Variants in CAMK2B observed in about 807,000 individuals in gnomAD.
CAMK2B encodes calcium/calmodulin-dependent protein kinase type II subunit beta.
A neutral mutation model predicts 93.7 loss-of-function variants in CAMK2B; 27 were observed. The observed-to-expected ratio is 0.29, with a 90% CI of 0.21 to 0.40. CAMK2B has a LOEUF of 0.40. CAMK2B is among the 10% of genes least tolerant of loss of function. The pLI is 1.00. For missense variants in CAMK2B, 568 were observed against 895.8 expected (o/e 0.63, Z 4.67); for synonymous variants, 374 against 358.8 (o/e 1.04, Z -0.48).
chr7:44,261,954 G>A (rs1309132807), intron 3 of CAMK2B, among the ~76,000 whole-genome samples: 5 of 152,216 alleles, frequency 3.3e-5, no homozygotes. Flanking sequence ...GCCCCTGAGA[G>A]CCCACCTGGG....
In CAMK2B at chr7:44,225,256, T is replaced by C. The variant is rs1472397703; in HGVS notation, c.1597+1260A>G. ...GGGGTGACCTTCCAGGCAGGCTCCT[T>C]TGGGCACACCCCTCCACTTCTGCAA... On this transcript the variant is annotated intron_variant, in intron 20 of 23. Transcript: ENST00000395749. The surrounding 1 kb of genome is among the most constrained non-coding windows in gnomAD (Gnocchi z 5.0). Among the ~76,000 whole-genome samples, 3 of 152,122 alleles carry C rather than the reference T, an allele frequency of 2.0e-5. No homozygotes were observed. The highest frequency in any genetic ancestry group is 7.2e-5 in the African/African-American group (3 of 41,412).
intron 13 of CAMK2B, among the ~76,000 whole-genome samples, chr7:44,236,422 T>C (rs1337407732): frequency 2.0e-5 from 3 of 152,058 alleles, no homozygotes; most frequent in Admixed American, 6.5e-5. Flanking sequence ...CCAGGATCCA[T>C]GGAGAAGTAG....
intron 2 of CAMK2B, among the ~76,000 whole-genome samples, chr7:44,282,303 C>A (rs1047505125): frequency 2.0e-5 from 3 of 152,250 alleles, no homozygotes; most frequent in African/African-American, 7.2e-5. Flanking sequence ...CACCCCACCA[C>A]GGGCTGGGCC....
At chr7:44,234,261 C>T in intron 15 of CAMK2B, 129 bp downstream of exon 15, 3 of 752,758 alleles carry the variant, frequency 4.0e-6, no homozygotes, top group Non-Finnish European at 6.4e-6. Context: ...GGGCGGGGGC[C>T]ATGCGAGTGC....
At chr7:44,261,422 C>T (rs148257408) in intron 3 of CAMK2B, among the ~76,000 whole-genome samples, 1 of 152,360 alleles carries the variant, frequency 6.6e-6, no homozygotes, top group Admixed American at 6.5e-5. Context: ...TACCTCACTG[C>T]TCCCTGGGGG....
At chr7:44,280,262 C>T (rs1486187651) in intron 2 of CAMK2B, among the ~76,000 whole-genome samples, 2 of 152,204 alleles carry the variant, frequency 1.3e-5, no homozygotes, top group African/African-American at 4.8e-5. Flanking sequence ...CACTGTGCTG[C>T]CCTGCATGGG....
intron 5 of CAMK2B, 57 bp downstream of exon 5, chr7:44,254,485 G>T: frequency 8.0e-7 from 1 of 1,256,452 alleles, no homozygotes; most frequent in Non-Finnish European, 1.2e-6. Context: ...GGGTGAAGGA[G>T]GGATGGTGAG....
intron 2 of CAMK2B, among the ~76,000 whole-genome samples, chr7:44,272,904 C>T (rs1166229333): frequency 6.6e-6 from 1 of 152,236 alleles, no homozygotes. Context: ...GGAGGTGTGG[C>T]TTGGAATTCC....
At chr7:44,288,587 C>A (rs1378224906) in intron 1 of CAMK2B, among the ~76,000 whole-genome samples, 1 of 152,162 alleles carries the variant, frequency 6.6e-6, no homozygotes, top group Non-Finnish European at 1.5e-5. Flanking sequence ...GATCATGAGG[C>A]CCCCGGGCAC....
chr7:44,243,613 G>T (rs1459156883), intron 6 of CAMK2B, 86 bp from the exon 7 acceptor site: 2 of 1,050,790 alleles, frequency 1.9e-6, no homozygotes, highest in South Asian at 2.7e-5. Flanking sequence ...ACAAAACAGA[G>T]AAAACAGTGG....
intron 16 of CAMK2B, among the ~76,000 whole-genome samples, chr7:44,232,107 C>T (rs1298771654): frequency 6.6e-6 from 1 of 152,180 alleles, no homozygotes; most frequent in Non-Finnish European, 1.5e-5. Flanking sequence ...GCCCCTTGGA[C>T]CCCCTGGTCC....
chr7:44,315,599 A>G (rs1162318099), intron 1 of CAMK2B, among the ~76,000 whole-genome samples: 2 of 152,160 alleles, frequency 1.3e-5, no homozygotes, highest in East Asian at 1.9e-4. Flanking sequence ...CAGGTTGTCA[A>G]TTTTTGCAAA....
At chr7:44,285,251 G>A (rs538348432) in intron 1 of CAMK2B, among the ~76,000 whole-genome samples, 19 of 152,358 alleles carry the variant, frequency 1.2e-4, no homozygotes, top group African/African-American at 3.6e-4. Flanking sequence ...AACAGCACAC[G>A]TGAGGCAAGG....
chr7:44,307,597 C>T (rs1356171992), intron 1 of CAMK2B, among the ~76,000 whole-genome samples: 1 of 152,020 alleles, frequency 6.6e-6, no homozygotes. Flanking sequence ...GAGGCTGTCA[C>T]GCACATCAGG....
intron 1 of CAMK2B, among the ~76,000 whole-genome samples, chr7:44,287,502 G>C (rs897256432): frequency 6.6e-6 from 1 of 152,194 alleles, no homozygotes; most frequent in African/African-American, 2.4e-5. Context: ...ACGGCAATCT[G>C]TCACGGGAAG....
At position 44,232,837 on chromosome 7, in the gene CAMK2B, T is replaced by G. The variant is rs147963195; in HGVS notation, c.1161A>C (p.Pro387=). The change falls in exon 16 of 24, where the codon CCA becomes CCC. Residue 387 remains proline, a synonymous_variant. Transcript: ENST00000395749. ...LEPQTTVIHN[P]VDGIKESSDS... Reference sequence around the variant, plus strand: ...GGGGCAGTACCTTAATCCCGTCCACTGGGTTATGGATGACGGTGGTTTGAG... The same window carrying G: ...GGGGCAGTACCTTAATCCCGTCCACGGGGTTATGGATGACGGTGGTTTGAG... The G allele has an allele frequency of 2.5e-6, 4 of 1,613,920 alleles. No homozygotes were observed. Among genetic ancestry groups the G allele is most frequent in the Non-Finnish European group, 3.4e-6 (4 of 1,179,912 alleles).
chr7:44,295,021 A>G (rs1421429024), intron 1 of CAMK2B, among the ~76,000 whole-genome samples: 1 of 152,224 alleles, frequency 6.6e-6, no homozygotes, highest in African/African-American at 2.4e-5. Context: ...TAGAGATTAG[A>G]AAGATGGGAG....
intron 1 of CAMK2B, among the ~76,000 whole-genome samples, chr7:44,293,341 T>A (rs1007183070): frequency 2.6e-5 from 4 of 152,244 alleles, no homozygotes; most frequent in African/African-American, 7.2e-5. Context: ...AATAAGCTCA[T>A]GACAAATTCC....
At chr7:44,246,187 C>T (rs936914709) in intron 6 of CAMK2B, among the ~76,000 whole-genome samples, 5 of 152,026 alleles carry the variant, frequency 3.3e-5, no homozygotes, top group Admixed American at 3.3e-4. Context: ...CTGCTCCCAG[C>T]GGCGTCAGCC....
Sources: allele counts gnomAD v4.1 joint callset (sites outside exome capture counted in the v4.1 genomes callset), GRCh38; gene constraint gnomAD v4.1.1; non-coding constraint Gnocchi (gnomAD v3.1); transcripts MANE v1.5; gene names NCBI Gene and HGNC (gene_info 2026-07-23, HGNC 2026-07-21).